The following ASIC2 variants were observed in gnomAD, a reference collection of about 807,000 sequenced individuals.
The protein encoded by ASIC2 is acid-sensing ion channel 2.
In ASIC2, 25 loss-of-function variants were observed where a neutral mutation model predicts 57.3. That is an observed-to-expected ratio of 0.44 (90% confidence interval 0.32 to 0.61). The LOEUF (loss-of-function observed/expected upper bound fraction) is 0.61, where lower values mean the gene tolerates loss of function less well. Ranked by LOEUF, ASIC2 falls within the 20% of genes least tolerant of loss-of-function variation. The pLI is 0.06. For missense variants in ASIC2, 641 were observed against 738.1 expected (o/e 0.87, Z 1.52); for synonymous variants, 319 against 307.5 (o/e 1.04, Z -0.39).
At chr17:33,945,872 C>A (rs1225686257) in intron 1 of ASIC2, among the ~76,000 whole-genome samples, 2 of 152,196 alleles carry the variant, frequency 1.3e-5, no homozygotes, top group Admixed American at 6.5e-5. Context: ...GGAATTCATG[C>A]CCCACTGACC....
At chr17:33,543,366 TG>T (rs1915483086) in intron 1 of ASIC2, among the ~76,000 whole-genome samples, 2 of 152,296 alleles carry the variant, frequency 1.3e-5, no homozygotes, top group South Asian at 4.1e-4. Context: ...CAAGTGTCTT[TG>T]GGGCCTCTAT....
intron 1 of ASIC2, among the ~76,000 whole-genome samples, chr17:33,190,455 T>C (rs1906369745): frequency 6.6e-6 from 1 of 152,170 alleles, no homozygotes; most frequent in African/African-American, 2.4e-5. Flanking sequence ...GTTACATCAA[T>C]TCTTACCAAA....
chr17:33,957,285 G>GC (rs1254162429), intron 1 of ASIC2, among the ~76,000 whole-genome samples: 8 of 152,202 alleles, frequency 5.3e-5, no homozygotes, highest in African/African-American at 1.9e-4. Context: ...GAGAAGAGAA[G>GC]CAACATGCCC....
intron 1 of ASIC2, among the ~76,000 whole-genome samples, chr17:33,932,429 C>T (rs951570110): frequency 1.3e-5 from 2 of 152,016 alleles, no homozygotes; most frequent in South Asian, 2.1e-4. Context: ...AAAAGCCAGG[C>T]ATGGTGGCTC....
chr17:33,711,720 G>C (rs944126583), intron 1 of ASIC2, among the ~76,000 whole-genome samples: 2 of 152,098 alleles, frequency 1.3e-5, no homozygotes, highest in African/African-American at 4.8e-5. Context: ...TAAACCATCA[G>C]ATCTTATGAG....
intron 1 of ASIC2, among the ~76,000 whole-genome samples, chr17:33,727,836 A>T (rs1450855850): frequency 6.6e-6 from 1 of 152,188 alleles, no homozygotes; most frequent in African/African-American, 2.4e-5. Flanking sequence ...TCACCTTTGG[A>T]GAAGGAAACT....
At chr17:33,978,658 C>A (rs551364341) in intron 1 of ASIC2, among the ~76,000 whole-genome samples, 1 of 152,078 alleles carries the variant, frequency 6.6e-6, no homozygotes, top group Non-Finnish European at 1.5e-5. Flanking sequence ...CCTATGCTTA[C>A]GGTGTGCTGG....
At chr17:33,811,574 T>A in intron 1 of ASIC2, among the ~76,000 whole-genome samples, 1 of 152,232 alleles carries the variant, frequency 6.6e-6, no homozygotes, top group South Asian at 2.1e-4. Context: ...TTTGCAGTCA[T>A]CCCTAAGAGA....
chr17:33,360,834 C>T (rs1297154198), intron 1 of ASIC2, among the ~76,000 whole-genome samples: 1 of 152,182 alleles, frequency 6.6e-6, no homozygotes, highest in Non-Finnish European at 1.5e-5. Flanking sequence ...GGAGCCCTAA[C>T]TAGAACCTGT....
intron 1 of ASIC2, among the ~76,000 whole-genome samples, chr17:33,758,473 A>G (rs968369812): frequency 2.0e-5 from 3 of 152,122 alleles, no homozygotes; most frequent in Admixed American, 6.5e-5. Context: ...ACTGTTTGCT[A>G]TGGTTTGAAC....
chr17:33,855,379 T>A (rs1046733962), intron 1 of ASIC2, among the ~76,000 whole-genome samples: 5 of 152,190 alleles, frequency 3.3e-5, no homozygotes, highest in African/African-American at 7.2e-5. Context: ...AGCTGTGTGA[T>A]TACAGACAGG....
chr17:33,787,195 T>C (rs1298672012), intron 1 of ASIC2, among the ~76,000 whole-genome samples: 1 of 152,222 alleles, frequency 6.6e-6, no homozygotes, highest in Non-Finnish European at 1.5e-5. Flanking sequence ...GCAACAATTA[T>C]TTCCAAAGTT....
chr17:33,535,210 C>T (rs551661938), intron 1 of ASIC2, among the ~76,000 whole-genome samples: 2 of 151,764 alleles, frequency 1.3e-5, no homozygotes, highest in Admixed American at 1.3e-4. Context: ...AGGTTGCCTG[C>T]ATTAGAAGAG....
chr17:34,000,616 A>G (rs1906309066), intron 1 of ASIC2, among the ~76,000 whole-genome samples: 3 of 151,834 alleles, frequency 2.0e-5, no homozygotes, highest in Admixed American at 1.3e-4. Flanking sequence ...AGTGTTCATT[A>G]CTCTCTCCAG....
chr17:33,576,404 A>G (rs531810815), intron 1 of ASIC2, among the ~76,000 whole-genome samples: 3 of 152,302 alleles, frequency 2.0e-5, no homozygotes, highest in African/African-American at 7.2e-5. Flanking sequence ...AGCCCCTAGT[A>G]TGTTGCCTAG....
chr17:34,149,104 T>C (rs1373457190), intron 1 of ASIC2, among the ~76,000 whole-genome samples: 13 of 131,750 alleles, frequency 9.9e-5, no homozygotes, highest in Non-Finnish European at 1.6e-4. Flanking sequence ...TTTTTTCTTT[T>C]TTTTCTTTTC....
chr17:33,137,035 G>A (rs903376160), intron 1 of ASIC2, among the ~76,000 whole-genome samples: 10 of 152,130 alleles, frequency 6.6e-5, no homozygotes, highest in African/African-American at 2.4e-4. Context: ...CTGTTCTAAA[G>A]CACCCATACA....
At chr17:33,186,661 G>T (rs985944108) in intron 1 of ASIC2, among the ~76,000 whole-genome samples, 1 of 152,116 alleles carries the variant, frequency 6.6e-6, no homozygotes, top group Non-Finnish European at 1.5e-5. Context: ...TTTTGCAAAG[G>T]GGGCGAGAGC....
chr17:33,598,419 A>G (rs1905039479), intron 1 of ASIC2, among the ~76,000 whole-genome samples: 1 of 152,200 alleles, frequency 6.6e-6, no homozygotes, highest in African/African-American at 2.4e-5. Flanking sequence ...TGGGTCAAGA[A>G]TGGAGCTTGA....
Sources: gnomAD v4.1 joint callset for allele counts (sites outside exome capture counted in the v4.1 genomes callset) on GRCh38, gnomAD v4.1.1 for gene constraint, MANE v1.5 for transcripts, NCBI Gene and HGNC (gene_info 2026-07-23, HGNC 2026-07-21) for gene names.